CNBD1: variants seen among roughly 807,000 people sequenced by gnomAD.
CNBD1 encodes cyclic nucleotide-binding domain-containing protein 1.
In CNBD1, 71 loss-of-function variants were observed where a neutral mutation model predicts 54.4. The ratio of observed to expected loss-of-function variants is 1.30; its 90% CI spans 1.08 to 1.59. The LOEUF is 1.59. CNBD1 is among the 40% of genes most tolerant of loss of function. The pLI, the probability that CNBD1 is intolerant of heterozygous loss-of-function variation, is 0.00. For synonymous variants in CNBD1, 182 were observed against 170.7 expected, an observed-to-expected ratio of 1.07 and a Z score of -0.51; for missense variants, 659 against 518.0, an observed-to-expected ratio of 1.27 and a Z score of -2.64.
chr8:86,997,274 A>G (rs1417380737), intron 4 of CNBD1, among the ~76,000 whole-genome samples: 3 of 152,002 alleles, frequency 2.0e-5, no homozygotes, highest in African/African-American at 7.3e-5. Context: ...AATTATGAAG[A>G]CTCCTTTTGG....
intron 4 of CNBD1, among the ~76,000 whole-genome samples, chr8:87,097,342 A>G (rs1239108047): frequency 6.6e-6 from 1 of 152,188 alleles, no homozygotes; most frequent in Non-Finnish European, 1.5e-5. Context: ...TGAGGTTCGT[A>G]GTTTATGTAG....
In CNBD1 at chr8:86,966,112, A is replaced by G. The variant is rs564509111; in HGVS notation, c.431+26358A>G. Among the ~76,000 whole-genome samples the G allele has an allele frequency of 4.0e-3, 602 of 152,348 alleles. 3 individuals are homozygous for G. The highest frequency in any genetic ancestry group is 4.0e-3 in the Non-Finnish European group (275 of 68,020). ...GGCCATGGGTGGGCCCAGAAGAGCC[A>G]TAATGAGTCCCCACTCTGGTCTGCA... On this transcript the variant is annotated intron_variant, in intron 4 of 10. Coordinates refer to ENST00000518476, the MANE Select transcript of CNBD1 (RefSeq NM_173538.3).
At chr8:87,420,586 G>C (rs1262798528) in intron 2 of CNBD1, among the ~76,000 whole-genome samples, 1 of 152,000 alleles carries the variant, frequency 6.6e-6, no homozygotes, top group Non-Finnish European at 1.5e-5. Flanking sequence ...ACAGTTACTT[G>C]AGGTAGAGAG....
intron 4 of CNBD1, among the ~76,000 whole-genome samples, chr8:86,970,953 G>A (rs185354951): frequency 1.1e-3 from 160 of 152,066 alleles, no homozygotes; most frequent in Non-Finnish European, 8.5e-4. Context: ...GGCTTTCAAT[G>A]GATTCTTTTT....
intron 10 of CNBD1, among the ~76,000 whole-genome samples, chr8:87,379,043 G>C (rs1468497406): frequency 1.3e-5 from 2 of 150,596 alleles, no homozygotes; most frequent in African/African-American, 2.5e-5. Flanking sequence ...ATCAGCTTAA[G>C]GAGATTTGGG....
intron 1 of CNBD1, among the ~76,000 whole-genome samples, chr8:86,876,249 A>G (rs1488637668): frequency 5.5e-5 from 8 of 145,204 alleles, no homozygotes; most frequent in African/African-American, 2.0e-4. Flanking sequence ...ATTATTCCCC[A>G]TTTTTTTCAA....
chr8:87,376,649 A>T (rs962937323), intron 10 of CNBD1, among the ~76,000 whole-genome samples: 1 of 151,562 alleles, frequency 6.6e-6, no homozygotes, highest in Non-Finnish European at 1.5e-5. Flanking sequence ...TTTAATAGCT[A>T]AAGCAGTGAT....
chr8:87,420,953 G>C (rs1807923077), intron 2 of CNBD1, among the ~76,000 whole-genome samples: 1 of 151,912 alleles, frequency 6.6e-6, no homozygotes. Flanking sequence ...GAATTAAACT[G>C]ATGACTGTTA....
At chr8:87,358,282 CAT>C (rs1175762303) in intron 10 of CNBD1, among the ~76,000 whole-genome samples, 3 of 152,090 alleles carry the variant, frequency 2.0e-5, no homozygotes, top group Non-Finnish European at 2.9e-5. Context: ...AATTCAAATT[CAT>C]ATGTCTAATT....
intron 10 of CNBD1, among the ~76,000 whole-genome samples, chr8:87,364,584 T>C (rs1251651058): frequency 6.6e-6 from 1 of 151,996 alleles, no homozygotes; most frequent in Non-Finnish European, 1.5e-5. Context: ...GATTTTTTTG[T>C]CACCTAGGTA....
intron 3 of CNBD1, among the ~76,000 whole-genome samples, chr8:86,911,670 A>G (rs1809101773): frequency 6.6e-6 from 1 of 152,188 alleles, no homozygotes; most frequent in Non-Finnish European, 1.5e-5. Flanking sequence ...GAAAGAAGTG[A>G]TATTATCCTT....
At chr8:87,376,384 G>A (rs1350762131) in intron 10 of CNBD1, among the ~76,000 whole-genome samples, 1 of 151,784 alleles carries the variant, frequency 6.6e-6, no homozygotes, top group Non-Finnish European at 1.5e-5. Flanking sequence ...TCGGCCCTCA[G>A]CACCTAATTA....
chr8:87,329,548 C>T (rs1391075818), intron 8 of CNBD1, among the ~76,000 whole-genome samples: 1 of 152,010 alleles, frequency 6.6e-6, no homozygotes, highest in Non-Finnish European at 1.5e-5. Flanking sequence ...AATATCTCTC[C>T]AGTTATATAG....
At chr8:86,977,626 AC>A (rs1387016708) in intron 4 of CNBD1, among the ~76,000 whole-genome samples, 2 of 152,254 alleles carry the variant, frequency 1.3e-5, no homozygotes, top group East Asian at 3.9e-4. Context: ...AAATTGGATA[AC>A]CTAGAACAAA....
At chr8:86,890,618 C>T (rs1295587464) in intron 2 of CNBD1, among the ~76,000 whole-genome samples, 1 of 152,042 alleles carries the variant, frequency 6.6e-6, no homozygotes, top group Non-Finnish European at 1.5e-5. Flanking sequence ...GAGATTCCTG[C>T]ATCATATGTT....
At chr8:87,135,051 G>A (rs1470176012) in intron 4 of CNBD1, among the ~76,000 whole-genome samples, 2 of 152,046 alleles carry the variant, frequency 1.3e-5, no homozygotes, top group African/African-American at 4.8e-5. Flanking sequence ...TCCTAAAAAT[G>A]TATTTTGATG....
At chr8:87,057,846 C>T (rs1469268165) in intron 4 of CNBD1, among the ~76,000 whole-genome samples, 1 of 152,102 alleles carries the variant, frequency 6.6e-6, no homozygotes, top group East Asian at 1.9e-4. Context: ...AAGACTCCAT[C>T]TAAAAAACAG....
chr8:87,086,959 A>T (rs1811106400), intron 4 of CNBD1, among the ~76,000 whole-genome samples: 1 of 151,990 alleles, frequency 6.6e-6, no homozygotes. Context: ...ACAAGAAACT[A>T]AAGACAGTAA....
intron 9 of CNBD1, 102 bp from the exon 10 acceptor site, chr8:87,353,534 C>T: frequency 4.3e-6 from 3 of 698,042 alleles, no homozygotes; most frequent in Non-Finnish European, 6.9e-6. Flanking sequence ...TTTTAAATAT[C>T]ATTTAGTAAA....
Sources: allele counts gnomAD v4.1 joint callset (sites outside exome capture counted in the v4.1 genomes callset), GRCh38; gene constraint gnomAD v4.1.1; transcripts MANE v1.5; gene names NCBI Gene and HGNC (gene_info 2026-07-23, HGNC 2026-07-21).